PRKCE: variants seen among roughly 807,000 people sequenced by gnomAD.
PRKCE encodes the protein protein kinase C epsilon type.
In PRKCE, 16 loss-of-function variants were observed where a neutral mutation model predicts 85.4. That is an observed-to-expected ratio of 0.19 (90% CI 0.13 to 0.28). PRKCE has a LOEUF of 0.28. PRKCE is among the 10% of genes least tolerant of loss of function. The probability of loss-of-function intolerance (pLI) is 1.00; values close to 1 mark genes in which losing one functional copy is unlikely to be tolerated. For missense variants in PRKCE, 573 were observed against 975.2 expected (o/e 0.59, Z 5.49); for synonymous variants, 388 against 371.5 (o/e 1.04, Z -0.51).
rs1396317624 is a variant in PRKCE at position 45,671,588 on chromosome 2, C to G, written c.348+19140C>G. Among the ~76,000 whole-genome samples, 5 of 152,174 alleles carry G rather than the reference C, an allele frequency of 3.3e-5. No individual in the cohort carries two copies. In the East Asian group the frequency reaches 7.7e-4, roughly 23 times the overall value. On this transcript the variant is annotated intron_variant, in intron 1 of 14. Coordinates refer to ENST00000306156, the MANE Select transcript of PRKCE (RefSeq NM_005400.3). ...TTGCCTTCCATTCCCCTCTGCCTCC[C>G]CCCACCAGCCTTCTCTCACTTTCTT...
At chr2:45,890,863 A>G (rs1460149899) in intron 2 of PRKCE, among the ~76,000 whole-genome samples, 1 of 152,200 alleles carries the variant, frequency 6.6e-6, no homozygotes, top group African/African-American at 2.4e-5. Flanking sequence ...GAGTGGAATT[A>G]TGCAATGGAA....
At chr2:45,906,323 C>T (rs922172220) in intron 2 of PRKCE, among the ~76,000 whole-genome samples, 1 of 152,204 alleles carries the variant, frequency 6.6e-6, no homozygotes, top group African/African-American at 2.4e-5. Flanking sequence ...GTGCAGAGAA[C>T]AGGTTTCTGG....
At chr2:46,066,457 C>T (rs1667634466) in intron 10 of PRKCE, among the ~76,000 whole-genome samples, 1 of 152,162 alleles carries the variant, frequency 6.6e-6, no homozygotes, top group African/African-American at 2.4e-5. Context: ...TTTCCCATCT[C>T]CAGGGGAAGA....
rs1680482056 is a variant in PRKCE, at chr2:46,186,816, T to C, written c.*1935T>C. On this transcript the variant is annotated 3_prime_UTR_variant, in exon 15 of 15. Coordinates refer to ENST00000306156, the MANE Select transcript of PRKCE (RefSeq NM_005400.3). The stretch of plus-strand genomic sequence containing the variant: ...TTTGCATCTGGCTGGTCATAGCCTT[T>C]GTTACTAATGATGACATTCAGTTCT... 6.6e-6 allele frequency: 1 copy of C among 152,646 alleles called. No individual in the cohort carries two copies. The highest frequency in any genetic ancestry group is 2.1e-4 in the South Asian group (1 of 4,834). 9.5% of individuals were successfully genotyped at this position (152,646 alleles called of 1,614,324 possible).
chr2:45,909,270 G>T (rs1303081454), intron 2 of PRKCE, among the ~76,000 whole-genome samples: 3 of 152,182 alleles, frequency 2.0e-5, no homozygotes, highest in Admixed American at 2.0e-4. Context: ...TTGTCCCCAA[G>T]AAAGGAAGGC....
chr2:46,007,608 G>A lies in PRKCE; in HGVS notation c.1210G>A (p.Gly404Ser). The A allele has an allele frequency of 1.9e-6, 3 of 1,599,780 alleles. No individual in the cohort carries two copies. The highest frequency in any genetic ancestry group is 2.5e-6 in the Non-Finnish European group (3 of 1,179,964). ...CCGGCAAGGCCAGGCCAAGCGCCTG[G>A]GCCTGGATGAGTTCAACTTCATCAA... Reference protein sequence around the residue: ...EVRQGQAKRLGLDEFNFIKVL... With the variant: ...EVRQGQAKRLSLDEFNFIKVL... The change falls in exon 9 of 15, where the codon GGC (glycine) becomes AGC (serine). Residue 404 changes from glycine (G) to serine (S), a missense_variant. Physicochemically the swap from Gly to Ser is moderately conservative, Grantham distance 56 (BLOSUM62 0). Around this residue, in one of 11 missense-constraint regions of PRKCE, gnomAD observed 117 missense variants for 104.8 expected, o/e 1.12. Transcript: ENST00000306156.
intron 14 of PRKCE, among the ~76,000 whole-genome samples, chr2:46,171,265 A>G (rs528893558): frequency 1.3e-5 from 2 of 152,200 alleles, no homozygotes; most frequent in African/African-American, 2.4e-5. Context: ...AGCATTTTCT[A>G]CATCGTGTTC....
chr2:45,890,785 G>C (rs1351724664), intron 2 of PRKCE, among the ~76,000 whole-genome samples: 1 of 152,180 alleles, frequency 6.6e-6, no homozygotes, highest in Admixed American at 6.5e-5. Flanking sequence ...ACAAGTATAT[G>C]GAGTGCCTAC....
intron 1 of PRKCE, among the ~76,000 whole-genome samples, chr2:45,805,061 A>G (rs895013186): frequency 6.6e-6 from 1 of 152,058 alleles, no homozygotes; most frequent in East Asian, 1.9e-4. Context: ...GAAAGGAAAT[A>G]TAAAAGACAA....
intron 10 of PRKCE, among the ~76,000 whole-genome samples, chr2:46,062,473 C>A (rs557059136): frequency 6.6e-6 from 1 of 152,168 alleles, no homozygotes; most frequent in South Asian, 2.1e-4. Context: ...GATTCTAAAA[C>A]CATCCCCGGG....
chr2:45,821,753 G>A (rs1293020386), intron 1 of PRKCE, among the ~76,000 whole-genome samples: 1 of 152,164 alleles, frequency 6.6e-6, no homozygotes, highest in Non-Finnish European at 1.5e-5. Context: ...GCAGTGTTGT[G>A]GAAATGAATG....
At chr2:45,663,557 G>C (rs780156930) in intron 1 of PRKCE, among the ~76,000 whole-genome samples, 4 of 152,146 alleles carry the variant, frequency 2.6e-5, no homozygotes, top group Non-Finnish European at 4.4e-5. Context: ...GCCGAGGCAG[G>C]CGGATCACAA....
At chr2:45,829,814 C>T (rs1243628359) in intron 1 of PRKCE, among the ~76,000 whole-genome samples, 1 of 152,094 alleles carries the variant, frequency 6.6e-6, no homozygotes, top group African/African-American at 2.4e-5. Flanking sequence ...TGGCTCACGC[C>T]TGTAATCCCA....
At chr2:45,965,606 G>A (rs1176641996) in intron 2 of PRKCE, among the ~76,000 whole-genome samples, 3 of 152,184 alleles carry the variant, frequency 2.0e-5, no homozygotes, top group African/African-American at 7.2e-5. Context: ...GTCTATTAAG[G>A]ACCAAATCCA....
chr2:45,806,169 A>C (rs371584707), intron 1 of PRKCE, among the ~76,000 whole-genome samples: 1 of 152,136 alleles, frequency 6.6e-6, no homozygotes, highest in East Asian at 1.9e-4. Context: ...CTACATCTAC[A>C]TCCTTGAGAA....
intron 1 of PRKCE, among the ~76,000 whole-genome samples, chr2:45,828,814 G>C (rs1275820859): frequency 6.6e-6 from 1 of 152,004 alleles, no homozygotes; most frequent in Non-Finnish European, 1.5e-5. Flanking sequence ...TAGAAGAAAA[G>C]TAGAAAGTTG....
chr2:46,019,910 C>T (rs950540133), intron 10 of PRKCE, among the ~76,000 whole-genome samples: 7 of 140,080 alleles, frequency 5.0e-5, no homozygotes, highest in Non-Finnish European at 7.5e-5. Context: ...AGTGCAACGG[C>T]GCAATCTCGG....
intron 11 of PRKCE, among the ~76,000 whole-genome samples, chr2:46,141,539 A>T (rs968175022): frequency 8.5e-5 from 13 of 152,242 alleles, no homozygotes; most frequent in African/African-American, 2.9e-4. Flanking sequence ...TTTTTACTGC[A>T]TGCCCTTTCA....
chr2:45,996,727 G>A (rs1419063576), intron 6 of PRKCE, among the ~76,000 whole-genome samples: 1 of 151,794 alleles, frequency 6.6e-6, no homozygotes, highest in African/African-American at 2.4e-5. Flanking sequence ...ATAAATTGTT[G>A]GATTCAATTT....
Sources: allele counts gnomAD v4.1 joint callset (sites outside exome capture counted in the v4.1 genomes callset), GRCh38; gene constraint gnomAD v4.1.1; regional missense constraint gnomAD v4.1.1; transcripts MANE v1.5; gene names NCBI Gene and HGNC (gene_info 2026-07-23, HGNC 2026-07-21).